RIMS1: variants seen among roughly 807,000 people sequenced by gnomAD.
The protein encoded by RIMS1 is regulating synaptic membrane exocytosis 1.
Under a neutral mutation model 214.1 loss-of-function variants are expected in RIMS1, and 83 were observed. That is an observed-to-expected ratio of 0.39 (90% CI 0.32 to 0.47). The LOEUF (loss-of-function observed/expected upper bound fraction) is 0.47. RIMS1 is among the 20% of genes least tolerant of loss of function. The probability of loss-of-function intolerance (pLI) is 0.99; values close to 1 mark genes in which losing one functional copy is unlikely to be tolerated. For missense variants in RIMS1, 2,050 were observed against 2,161.8 expected (o/e 0.95, Z 1.03); for synonymous variants, 793 against 786.8 (o/e 1.01, Z -0.13).
At chr6:71,971,970 A>G (rs1452320270) in intron 2 of RIMS1, among the ~76,000 whole-genome samples, 2 of 152,174 alleles carry the variant, frequency 1.3e-5, no homozygotes, top group Non-Finnish European at 1.5e-5. Context: ...CCAAGCATAT[A>G]TATCTAACAA....
chr6:71,943,273 C>A (rs998009718), intron 1 of RIMS1, among the ~76,000 whole-genome samples: 16 of 151,982 alleles, frequency 1.1e-4, no homozygotes, highest in Admixed American at 8.5e-4. Context: ...TATTTGAAAC[C>A]CATTATACTG....
chr6:72,086,933 A>G lies in RIMS1; in HGVS notation c.246-10016A>G, dbSNP rs372522251. ...GCCTAGTTAGAAAGCTAATGAAATAATACAAGCTAAGAATAATGAGGGCCT... is the reference window on the plus strand; with the variant it reads ...GCCTAGTTAGAAAGCTAATGAAATAGTACAAGCTAAGAATAATGAGGGCCT... On this transcript the variant is annotated intron_variant, in intron 2 of 33. Coordinates refer to ENST00000521978, the MANE Select transcript of RIMS1 (RefSeq NM_014989.7). Among the ~76,000 whole-genome samples the G allele has an allele frequency of 1.3e-4, 20 of 152,350 alleles. No individual in the cohort carries two copies. In the East Asian group the frequency reaches 3.3e-3, roughly 25 times the overall value.
chr6:72,302,718 C>T (rs565696975), intron 26 of RIMS1, among the ~76,000 whole-genome samples: 1 of 151,638 alleles, frequency 6.6e-6, no homozygotes, highest in Non-Finnish European at 1.5e-5. Flanking sequence ...TATGATAGCA[C>T]ATCATAGTTA....
At chr6:72,144,538 G>C (rs1236645438) in intron 4 of RIMS1, among the ~76,000 whole-genome samples, 1 of 152,134 alleles carries the variant, frequency 6.6e-6, no homozygotes, top group East Asian at 1.9e-4. Context: ...GACATGAACA[G>C]ATAATTGGTG....
chr6:72,197,079 A>T (rs971311042), intron 6 of RIMS1, among the ~76,000 whole-genome samples: 1 of 152,118 alleles, frequency 6.6e-6, no homozygotes, highest in South Asian at 2.1e-4. Context: ...CAAAAATCAG[A>T]TACTAGGAGT....
intron 2 of RIMS1, among the ~76,000 whole-genome samples, chr6:71,985,196 C>T (rs915748919): frequency 6.6e-6 from 1 of 152,012 alleles, no homozygotes; most frequent in African/African-American, 2.4e-5. Context: ...CTAGCCTGGG[C>T]AACATAGTGA....
chr6:72,221,276 C>G (rs1449569775), intron 6 of RIMS1, among the ~76,000 whole-genome samples: 1 of 148,340 alleles, frequency 6.7e-6, no homozygotes, highest in Non-Finnish European at 1.5e-5. Flanking sequence ...ATGGTAGGCC[C>G]AAAGATCTGG....
At chr6:72,356,101 C>T (rs2097631712) in intron 29 of RIMS1, among the ~76,000 whole-genome samples, 2 of 152,222 alleles carry the variant, frequency 1.3e-5, no homozygotes, top group South Asian at 4.2e-4. Flanking sequence ...ATTATATATC[C>T]AGTCAGTTGA....
chr6:72,228,186 G>A (rs2060846405), intron 6 of RIMS1, among the ~76,000 whole-genome samples: 1 of 151,730 alleles, frequency 6.6e-6, no homozygotes, highest in South Asian at 2.1e-4. Flanking sequence ...TACCTTCTTA[G>A]CAAATTTTTA....
At chr6:72,003,373 T>C (rs370157795) in intron 2 of RIMS1, among the ~76,000 whole-genome samples, 37 of 152,212 alleles carry the variant, frequency 2.4e-4, no homozygotes, top group Middle Eastern at 3.4e-3. Flanking sequence ...ATCATGACTG[T>C]CTTACTCACC....
At chr6:71,960,342 T>C (rs1441484209) in intron 1 of RIMS1, among the ~76,000 whole-genome samples, 1 of 152,174 alleles carries the variant, frequency 6.6e-6, no homozygotes, top group East Asian at 1.9e-4. Flanking sequence ...TGAGGGGTGC[T>C]GGAATTTTTT....
intron 2 of RIMS1, among the ~76,000 whole-genome samples, chr6:72,054,189 G>C (rs555358316): frequency 3.3e-5 from 5 of 151,828 alleles, no homozygotes; most frequent in Non-Finnish European, 5.9e-5. Context: ...TTGGTTTTCT[G>C]TTCCTGTGTT....
At chr6:71,890,550 T>C (rs1769346275) in intron 1 of RIMS1, among the ~76,000 whole-genome samples, 1 of 131,504 alleles carries the variant, frequency 7.6e-6, no homozygotes, top group African/African-American at 3.0e-5. Flanking sequence ...TCATTAGATC[T>C]AGGATCTTAC....
intron 2 of RIMS1, among the ~76,000 whole-genome samples, chr6:72,041,251 A>G (rs1452318133): frequency 6.6e-6 from 1 of 151,990 alleles, no homozygotes; most frequent in Non-Finnish European, 1.5e-5. Flanking sequence ...CATTCTGGCC[A>G]TGAAGAAAAA....
Position 72,091,065 on chromosome 6 carries a change from C to G in RIMS1, c.246-5884C>G, listed in dbSNP as rs371861777. ...GGCGTCAAGGGAAACAGAGGCCATG[C>G]TTATTGTTTTCAGCACCTATGCCCT... On this transcript the variant is annotated intron_variant, in intron 2 of 33. Coordinates refer to ENST00000521978, the MANE Select transcript of RIMS1 (RefSeq NM_014989.7). Among the ~76,000 whole-genome samples, 12 of 152,188 alleles carry G rather than the reference C, an allele frequency of 7.9e-5. No individual in the cohort carries two copies. The East Asian group carries it at 1.3e-3, about 17-fold the overall frequency.
At chr6:72,121,900 A>G (rs2038418045) in intron 4 of RIMS1, among the ~76,000 whole-genome samples, 8 of 151,868 alleles carry the variant, frequency 5.3e-5, no homozygotes, top group Admixed American at 5.3e-4. Flanking sequence ...TTCTGCACCT[A>G]TTGAGATAAT....
chr6:72,206,399 A>G (rs1351655974), intron 6 of RIMS1, among the ~76,000 whole-genome samples: 4 of 152,246 alleles, frequency 2.6e-5, no homozygotes, highest in African/African-American at 9.6e-5. Flanking sequence ...CTTCTATGAT[A>G]TGATTTGGAA....
At chr6:72,360,309 T>C (rs115839315) in intron 29 of RIMS1, among the ~76,000 whole-genome samples, 1 of 152,220 alleles carries the variant, frequency 6.6e-6, no homozygotes, top group Non-Finnish European at 1.5e-5. Context: ...CAAGTTTCTA[T>C]TTTCATAAAA....
Position 72,274,449 on chromosome 6 carries a change from C to T in RIMS1, c.3482+17C>T. 6.3e-7 allele frequency: 1 copy of T among 1,596,374 alleles called. No individual in the cohort carries two copies. Among genetic ancestry groups the T allele is most frequent in the Non-Finnish European group, 8.6e-7 (1 of 1,164,260 alleles). On this transcript the variant is annotated intron_variant, in intron 23 of 33. Coordinates refer to ENST00000521978, the MANE Select transcript of RIMS1 (RefSeq NM_014989.7). Reference sequence around the variant, plus strand: ...GAATGACAGGTACTAGTCAACTCCTCCTCACAGACAAGTGGCTTCTAGAAG... The same window carrying T: ...GAATGACAGGTACTAGTCAACTCCTTCTCACAGACAAGTGGCTTCTAGAAG...
Sources: allele counts gnomAD v4.1 joint callset (sites outside exome capture counted in the v4.1 genomes callset), GRCh38; gene constraint gnomAD v4.1.1; transcripts MANE v1.5; gene names NCBI Gene and HGNC (gene_info 2026-07-23, HGNC 2026-07-21).